Variants in ITSN1 observed in about 807,000 individuals in gnomAD.
ITSN1 encodes the protein intersectin-1.
ITSN1 carries 58 observed loss-of-function variants against 239.8 expected under a neutral mutation model. The observed-to-expected ratio is 0.24, with a 90% CI of 0.20 to 0.30. ITSN1 has a LOEUF of 0.30. Among genes scored for constraint, ITSN1 ranks in the 10% least tolerant of loss-of-function variants. The pLI is 1.00. For missense variants in ITSN1, 1,558 were observed against 2,103.3 expected (o/e 0.74, Z 5.07); for synonymous variants, 780 against 770.8 (o/e 1.01, Z -0.20).
chr21:33,682,415 A>C (rs929236806), intron 1 of ITSN1, among the ~76,000 whole-genome samples: 4 of 151,432 alleles, frequency 2.6e-5, no homozygotes, highest in Non-Finnish European at 5.9e-5. Flanking sequence ...GGGTTTCTCC[A>C]TGTTGGTCAG....
At chr21:33,878,685 G>A (rs1241747890) in intron 34 of ITSN1, among the ~76,000 whole-genome samples, 1 of 152,194 alleles carries the variant, frequency 6.6e-6, no homozygotes, top group Admixed American at 6.5e-5. Flanking sequence ...AAGCAGCCCC[G>A]TGGAAGCCGA....
In ITSN1 at chr21:33,827,864, C is replaced by T. The variant is rs772432476; in HGVS notation, c.3229+1001C>T. On this transcript the variant is annotated intron_variant, in intron 26 of 39. Coordinates refer to ENST00000381318, the MANE Select transcript of ITSN1 (RefSeq NM_003024.3). ...AAACAGTCACTGAATTGCCAAGAGA[C>T]GGATTTGCTTGTCTGTCTGGTGCCC... is the stretch of plus-strand genomic sequence containing the variant. 3.6e-4 allele frequency among the ~76,000 whole-genome samples: 55 copies of T among 152,270 alleles called. 1 individual carries two copies. Among genetic ancestry groups the T allele is most frequent in the Admixed American group, 1.3e-3 (20 of 15,296 alleles).
At chr21:33,791,390 G>A (rs1251118881) in intron 16 of ITSN1, among the ~76,000 whole-genome samples, 5 of 152,212 alleles carry the variant, frequency 3.3e-5, no homozygotes, top group African/African-American at 1.2e-4. Flanking sequence ...GGAGGTGCTT[G>A]AAACTGCAAC....
intron 1 of ITSN1, among the ~76,000 whole-genome samples, chr21:33,687,398 TAA>T (rs58230508): frequency 0.057 from 4,590 of 80,600 alleles, 17 homozygotes; most frequent in East Asian, 0.14. Context: ...AACTCCATCT[TAA>T]AAAAAAAAAA....
intron 1 of ITSN1, among the ~76,000 whole-genome samples, chr21:33,695,854 A>T (rs765558772): frequency 6.6e-6 from 1 of 152,188 alleles, no homozygotes; most frequent in Non-Finnish European, 1.5e-5. Flanking sequence ...CAGCAGCAGG[A>T]TTCTTTTCAG....
chr21:33,827,953 TTTTAGTCAGATAAATACTGGATGGAGTA>T (rs1161854693), intron 26 of ITSN1, among the ~76,000 whole-genome samples: 5 of 152,242 alleles, frequency 3.3e-5, no homozygotes, highest in African/African-American at 1.2e-4. Context: ...TAGGATTTTA[TTTTAGTCAGATAAATACTGGATGGAGTA>T]TTTAGTCAGA....
intron 1 of ITSN1, among the ~76,000 whole-genome samples, chr21:33,713,384 C>T (rs1337267812): frequency 4.0e-5 from 6 of 151,684 alleles, no homozygotes; most frequent in South Asian, 2.1e-4. Context: ...GGACTACAGG[C>T]GCCCGCCACC....
At chr21:33,818,795 A>T (rs2073457332) in intron 23 of ITSN1, among the ~76,000 whole-genome samples, 1 of 152,204 alleles carries the variant, frequency 6.6e-6, no homozygotes. Context: ...GCTGTACCAG[A>T]TATATGTGAA....
chr21:33,720,493 G>A (rs1483520433), intron 2 of ITSN1, among the ~76,000 whole-genome samples: 1 of 152,122 alleles, frequency 6.6e-6, no homozygotes, highest in Non-Finnish European at 1.5e-5. Flanking sequence ...CAGCCTAAGA[G>A]CTGAAACTGA....
At chr21:33,791,454 T>G (rs1191144311) in intron 16 of ITSN1, among the ~76,000 whole-genome samples, 1 of 152,232 alleles carries the variant, frequency 6.6e-6, no homozygotes, top group Non-Finnish European at 1.5e-5. Flanking sequence ...CAAAAACAAG[T>G]GTGTTTAAAA....
At chr21:33,815,317 A>G (rs2073195186) in intron 22 of ITSN1, among the ~76,000 whole-genome samples, 1 of 151,828 alleles carries the variant, frequency 6.6e-6, no homozygotes, top group African/African-American at 2.4e-5. Context: ...AGGAAATGGT[A>G]CTTTCCTTTG....
chr21:33,709,253 T>G (rs1002755702), intron 1 of ITSN1, among the ~76,000 whole-genome samples: 2 of 152,198 alleles, frequency 1.3e-5, no homozygotes, highest in African/African-American at 4.8e-5. Flanking sequence ...ACCCATGAAC[T>G]TAGTATCTTA....
chr21:33,860,474 A>G (rs1193371335), intron 31 of ITSN1, among the ~76,000 whole-genome samples: 1 of 152,054 alleles, frequency 6.6e-6, no homozygotes, highest in Non-Finnish European at 1.5e-5. Flanking sequence ...CCTGAGGGAA[A>G]CTGGTGCTGG....
At chr21:33,722,844 A>AC (rs916814563) in intron 4 of ITSN1, among the ~76,000 whole-genome samples, 193 bp downstream of exon 4, 49 of 152,338 alleles carry the variant, frequency 3.2e-4, no homozygotes, top group Middle Eastern at 3.4e-3. Context: ...AAACAAAACA[A>AC]CAAAAAAAGT....
intron 20 of ITSN1, among the ~76,000 whole-genome samples, chr21:33,803,720 ATG>A (rs905896527): frequency 1.8e-4 from 27 of 152,316 alleles, no homozygotes; most frequent in African/African-American, 6.5e-4. Flanking sequence ...ATTTTTATAA[ATG>A]TATCTAATTT....
chr21:33,665,633 C>T (rs546036372), intron 1 of ITSN1, among the ~76,000 whole-genome samples: 22 of 152,202 alleles, frequency 1.4e-4, no homozygotes, highest in Admixed American at 1.0e-3. Flanking sequence ...CCATTCCTAG[C>T]TATATACCAA....
intron 34 of ITSN1, among the ~76,000 whole-genome samples, chr21:33,877,059 C>CTTTGTTTTTTTTTTTTTTTTT (rs1984046114): frequency 9.4e-6 from 1 of 106,366 alleles, no homozygotes; most frequent in Non-Finnish European, 1.8e-5. Context: ...CTGTGGGCAC[C>CTTTGTTTTTTTTTTTTTTTTT]TTTTTTTTTT....
At chr21:33,860,118 G>C (rs886523648) in intron 31 of ITSN1, among the ~76,000 whole-genome samples, 12 of 151,970 alleles carry the variant, frequency 7.9e-5, no homozygotes, top group East Asian at 5.8e-4. Flanking sequence ...ACCAGCCTGG[G>C]CAACATGGTG....
intron 26 of ITSN1, 174 bp from the exon 27 acceptor site, chr21:33,829,450 C>T (rs2074164288): frequency 6.1e-6 from 4 of 660,484 alleles, no homozygotes; most frequent in African/African-American, 1.8e-5. Context: ...CCGTGTCTGC[C>T]TGGTAGCTCT....
Sources: gnomAD v4.1 joint callset for allele counts (sites outside exome capture counted in the v4.1 genomes callset) on GRCh38, gnomAD v4.1.1 for gene constraint, MANE v1.5 for transcripts, NCBI Gene and HGNC (gene_info 2026-07-23, HGNC 2026-07-21) for gene names.